Variants in SDCCAG8 observed in about 807,000 individuals in gnomAD.
SDCCAG8 encodes serologically defined colon cancer antigen 8.
A neutral mutation model predicts 101.8 loss-of-function variants in SDCCAG8; 74 were observed. That is an observed-to-expected ratio of 0.73 (90% CI 0.60 to 0.88). The LOEUF (loss-of-function observed/expected upper bound fraction) is 0.88. Among genes scored for constraint, SDCCAG8 ranks in the 40% least tolerant of loss-of-function variants. SDCCAG8 has a pLI of 0.00. For synonymous variants in SDCCAG8, 281 were observed against 292.9 expected, an observed-to-expected ratio of 0.96 and a Z score of 0.41; for missense variants, 787 against 822.6, an observed-to-expected ratio of 0.96 and a Z score of 0.53.
intron 5 of SDCCAG8, among the ~76,000 whole-genome samples, chr1:243,288,407 A>G (rs886431478): frequency 6.6e-6 from 1 of 152,060 alleles, no homozygotes; most frequent in African/African-American, 2.4e-5. Flanking sequence ...TCAAGGCTGC[A>G]GTAAGCCCTG....
intron 6 of SDCCAG8, among the ~76,000 whole-genome samples, chr1:243,303,011 GTCAA>G (rs1281078628): frequency 6.6e-6 from 1 of 152,208 alleles, no homozygotes; most frequent in Non-Finnish European, 1.5e-5. Flanking sequence ...ATTTACAACA[GTCAA>G]TCAAGGAAAT....
At chr1:243,258,784 G>A (rs1174822049) in intron 1 of SDCCAG8, among the ~76,000 whole-genome samples, 2 of 152,142 alleles carry the variant, frequency 1.3e-5, no homozygotes, top group African/African-American at 4.8e-5. Flanking sequence ...TTTTGAGTGT[G>A]CCTAATAATT....
At chr1:243,296,830 G>T (rs2070973508) in intron 6 of SDCCAG8, among the ~76,000 whole-genome samples, 1 of 151,866 alleles carries the variant, frequency 6.6e-6, no homozygotes, top group African/African-American at 2.4e-5. Flanking sequence ...ACCGCGCCCG[G>T]CCCCAACTGC....
intron 6 of SDCCAG8, among the ~76,000 whole-genome samples, chr1:243,302,663 A>G (rs2071640566): frequency 6.6e-6 from 1 of 152,184 alleles, no homozygotes; most frequent in Non-Finnish European, 1.5e-5. Context: ...GTTTTTTGAT[A>G]TTGTACAATG....
intron 12 of SDCCAG8, among the ~76,000 whole-genome samples, chr1:243,350,695 CA>C (rs2076036310): frequency 6.6e-6 from 1 of 152,084 alleles, no homozygotes; most frequent in South Asian, 2.1e-4. Context: ...AGAACAAGAA[CA>C]AAGGGATTTA....
At chr1:243,319,124 A>G (rs1573250581) in intron 9 of SDCCAG8, among the ~76,000 whole-genome samples, 1 of 152,142 alleles carries the variant, frequency 6.6e-6, no homozygotes, top group East Asian at 1.9e-4. Context: ...CTTTCTAACA[A>G]TCAGACCTCA....
chr1:243,449,858 T>C (rs1455584370), intron 16 of SDCCAG8, among the ~76,000 whole-genome samples: 2 of 152,186 alleles, frequency 1.3e-5, no homozygotes, highest in Non-Finnish European at 2.9e-5. Flanking sequence ...CCTTGGCCCT[T>C]TCCCCTTAGG....
intron 9 of SDCCAG8, among the ~76,000 whole-genome samples, chr1:243,320,967 C>T (rs2073709607): frequency 1.3e-5 from 2 of 152,140 alleles, no homozygotes; most frequent in Admixed American, 1.3e-4. Context: ...ATTCGATGTA[C>T]CCTTTATATG....
At chr1:243,451,841 A>T (rs2083378850) in intron 16 of SDCCAG8, among the ~76,000 whole-genome samples, 1 of 152,152 alleles carries the variant, frequency 6.6e-6, no homozygotes, top group South Asian at 2.1e-4. Flanking sequence ...AGGTGGGAGG[A>T]TCGTTTGAGC....
intron 11 of SDCCAG8, among the ~76,000 whole-genome samples, chr1:243,343,118 T>G (rs867522296): frequency 5.3e-5 from 8 of 152,176 alleles, no homozygotes; most frequent in Non-Finnish European, 1.2e-4. Flanking sequence ...TGCGCTACCA[T>G]ACCCAGCTTA....
At chr1:243,284,875 G>A (rs1375057424) in intron 4 of SDCCAG8, among the ~76,000 whole-genome samples, 1 of 152,058 alleles carries the variant, frequency 6.6e-6, no homozygotes, top group Non-Finnish European at 1.5e-5. Flanking sequence ...TCTATGACTG[G>A]GTCTTCCTGG....
At chr1:243,397,953 T>G (rs2079128684) in intron 13 of SDCCAG8, among the ~76,000 whole-genome samples, 1 of 152,262 alleles carries the variant, frequency 6.6e-6, no homozygotes, top group Non-Finnish European at 1.5e-5. Flanking sequence ...ACCACTTATG[T>G]GGGCCCTTGT....
intron 17 of SDCCAG8, among the ~76,000 whole-genome samples, chr1:243,491,288 CA>C (rs964366780): frequency 6.6e-6 from 1 of 152,174 alleles, no homozygotes; most frequent in Admixed American, 6.5e-5. Context: ...CCCCAAACCT[CA>C]AAAAATCCTC....
intron 16 of SDCCAG8, among the ~76,000 whole-genome samples, chr1:243,471,653 T>C (rs1661292941): frequency 6.6e-6 from 1 of 152,098 alleles, no homozygotes; most frequent in Admixed American, 6.5e-5. Context: ...CCATCAGAAT[T>C]CCCAGAAGCC....
intron 13 of SDCCAG8, among the ~76,000 whole-genome samples, 175 bp from the exon 14 acceptor site, chr1:243,415,527 T>C (rs1419463763): frequency 6.6e-6 from 1 of 152,200 alleles, no homozygotes; most frequent in Non-Finnish European, 1.5e-5. Flanking sequence ...TTTAACACTG[T>C]ATGGAAGGTT....
chr1:243,492,239 T>C (rs974393083), intron 17 of SDCCAG8, among the ~76,000 whole-genome samples: 4 of 150,960 alleles, frequency 2.6e-5, no homozygotes, highest in South Asian at 4.2e-4. Flanking sequence ...TCCCCGGCGC[T>C]GTCTGCGGTG....
In SDCCAG8 at chr1:243,293,122, G is replaced by C. The variant is rs750128305; in HGVS notation, c.578G>C (p.Gly193Ala). Residue 193 changes from glycine to alanine, a missense_variant, in exon 6 of 18, where the codon GGT (glycine) becomes GCT (alanine). Coordinates refer to ENST00000366541, the MANE Select transcript of SDCCAG8 (RefSeq NM_006642.5). ...ATGCACAATTCTTGGATTACAACAG[G>C]TGAAGATTCTGGGGTGGGCGAAACC... is the stretch of plus-strand genomic sequence containing the variant. Reference protein sequence around the residue: ...GNMHNSWITTGEDSGVGETSK... With the variant: ...GNMHNSWITTAEDSGVGETSK... 2.5e-6 allele frequency: 4 copies of C among 1,614,118 alleles called. No homozygotes were observed. In the Admixed American group the frequency reaches 6.7e-5, roughly 27 times the overall value.
chr1:243,292,235 T>TC (rs1315173456), intron 5 of SDCCAG8, among the ~76,000 whole-genome samples: 1 of 152,178 alleles, frequency 6.6e-6, no homozygotes, highest in Non-Finnish European at 1.5e-5. Context: ...TAAGTCAATC[T>TC]CCAGTCCTTT....
At chr1:243,498,219 T>G (rs998788534) in intron 17 of SDCCAG8, among the ~76,000 whole-genome samples, 2 of 150,432 alleles carry the variant, frequency 1.3e-5, no homozygotes, top group Non-Finnish European at 2.9e-5. Context: ...GTGCAAACCC[T>G]GCGTTTGACA....
Sources: gnomAD v4.1 joint callset for allele counts (sites outside exome capture counted in the v4.1 genomes callset) on GRCh38, gnomAD v4.1.1 for gene constraint, MANE v1.5 for transcripts, NCBI Gene and HGNC (gene_info 2026-07-23, HGNC 2026-07-21) for gene names.